The following DPP6 variants were observed in gnomAD, a reference collection of about 807,000 sequenced individuals.
DPP6 encodes the protein dipeptidyl peptidase like 6.
Under a neutral mutation model 122.6 loss-of-function variants are expected in DPP6, and 69 were observed. The ratio of observed to expected loss-of-function variants is 0.56; its 90% confidence interval spans 0.46 to 0.69. The LOEUF is 0.69. DPP6 is among the 30% of genes least tolerant of loss of function. The pLI is 0.00. For missense variants in DPP6, 928 were observed against 1,116.9 expected (o/e 0.83, Z 2.41); for synonymous variants, 418 against 433.1 (o/e 0.97, Z 0.43).
intron 1 of DPP6, among the ~76,000 whole-genome samples, chr7:154,062,812 G>A (rs1427767051): frequency 8.0e-6 from 1 of 124,260 alleles, no homozygotes; most frequent in Non-Finnish European, 1.7e-5. Flanking sequence ...CATCGCAGAG[G>A]GGGGAGGCAC....
chr7:154,635,237 G>A (rs916711166), intron 5 of DPP6, among the ~76,000 whole-genome samples: 1 of 152,138 alleles, frequency 6.6e-6, no homozygotes, highest in African/African-American at 2.4e-5. Flanking sequence ...AGCTGTCAGA[G>A]TACCTAATAT....
At chr7:154,317,060 A>AT (rs1807494915) in intron 1 of DPP6, among the ~76,000 whole-genome samples, 1 of 152,204 alleles carries the variant, frequency 6.6e-6, no homozygotes, top group Non-Finnish European at 1.5e-5. Context: ...GAGTTGGGTC[A>AT]AAGATTTGGC....
intron 1 of DPP6, among the ~76,000 whole-genome samples, chr7:154,429,187 A>AAAC (rs1313418120): frequency 6.6e-6 from 1 of 151,444 alleles, no homozygotes; most frequent in Admixed American, 6.6e-5. Flanking sequence ...TGTTAAAAAA[A>AAAC]AAAAAAGCAT....
chr7:154,758,011 C>T (rs1795251578), intron 8 of DPP6, among the ~76,000 whole-genome samples: 2 of 152,316 alleles, frequency 1.3e-5, no homozygotes, highest in Non-Finnish European at 2.9e-5. Context: ...CACGCACGGC[C>T]TCCTGGCAGC....
intron 1 of DPP6, among the ~76,000 whole-genome samples, chr7:154,078,260 A>G (rs1803712891): frequency 6.6e-6 from 1 of 152,126 alleles, no homozygotes; most frequent in South Asian, 2.1e-4. Context: ...GAGATTCTGA[A>G]AAAAGCACAG....
At chr7:154,373,597 T>C (rs930242844) in intron 1 of DPP6, among the ~76,000 whole-genome samples, 1 of 152,230 alleles carries the variant, frequency 6.6e-6, no homozygotes, top group Non-Finnish European at 1.5e-5. Flanking sequence ...TATTTCTGCA[T>C]GCGCTCATTT....
Position 154,061,268 on chromosome 7 carries a change from G to C in DPP6, c.243+8205G>C, listed in dbSNP as rs1297390077. ...TTTTGAAATGGGGATCCCAACAACAGCAAGTTTTTCATGAGTTACAAGAAA... is the reference window on the plus strand; with the variant it reads ...TTTTGAAATGGGGATCCCAACAACACCAAGTTTTTCATGAGTTACAAGAAA... On this transcript the variant is annotated intron_variant, in intron 1 of 25. Transcript: ENST00000377770. Among the ~76,000 whole-genome samples, 3 of 149,416 alleles carry C rather than the reference G, an allele frequency of 2.0e-5. No homozygotes were observed. In the East Asian group the frequency reaches 5.8e-4, roughly 29 times the overall value.
At chr7:154,889,370 T>C (rs745769995) in intron 24 of DPP6, 26 bp downstream of exon 24, 5 of 1,611,366 alleles carry the variant, frequency 3.1e-6, no homozygotes, top group East Asian at 2.2e-5. Flanking sequence ...ATGAATTCAC[T>C]GTGTATCTAG....
chr7:154,396,908 G>A (rs984329826), intron 1 of DPP6, among the ~76,000 whole-genome samples: 1 of 152,158 alleles, frequency 6.6e-6, no homozygotes, highest in Non-Finnish European at 1.5e-5. Flanking sequence ...TCGCGCCACT[G>A]CGCTCCAGCC....
intron 1 of DPP6, among the ~76,000 whole-genome samples, chr7:153,935,009 G>T (rs1801362740): frequency 6.6e-6 from 1 of 152,212 alleles, no homozygotes; most frequent in South Asian, 2.1e-4. Flanking sequence ...CTGGCTGGAG[G>T]TGCAGGGACA....
the DPP6 span, among the ~76,000 whole-genome samples, chr7:153,771,865 A>G: frequency 3.3e-5 from 5 of 152,354 alleles, no homozygotes; most frequent in South Asian, 2.1e-4. Flanking sequence ...AGAAACTTAT[A>G]TCTACACAAT....
intron 6 of DPP6, among the ~76,000 whole-genome samples, chr7:154,648,235 T>A (rs993615561): frequency 4.1e-5 from 6 of 147,982 alleles, no homozygotes; most frequent in Non-Finnish European, 7.4e-5. Flanking sequence ...GCCATTGCAC[T>A]CTAGCCTGGG....
chr7:154,347,134 C>A (rs999743554), intron 1 of DPP6, among the ~76,000 whole-genome samples: 2 of 152,186 alleles, frequency 1.3e-5, no homozygotes, highest in East Asian at 3.9e-4. Context: ...TTGTGAATGA[C>A]ATCTCCTGCT....
intron 1 of DPP6, among the ~76,000 whole-genome samples, chr7:154,096,854 A>G (rs1452123570): frequency 2.0e-5 from 3 of 152,236 alleles, no homozygotes; most frequent in African/African-American, 7.2e-5. Context: ...CATCAATTAT[A>G]TTTATAACAA....
At chr7:154,147,233 G>T (rs1489294973) in intron 1 of DPP6, among the ~76,000 whole-genome samples, 8,822 of 149,032 alleles carry the variant, frequency 0.059, no homozygotes, top group African/African-American at 0.2. Context: ...GGTCTCCATG[G>T]TTCTCACTCC....
chr7:154,372,528 T>C (rs1269932850), intron 1 of DPP6, among the ~76,000 whole-genome samples: 1 of 152,220 alleles, frequency 6.6e-6, no homozygotes, highest in Admixed American at 6.5e-5. Context: ...AGCATCACCC[T>C]TGTGCCTTGT....
intron 7 of DPP6, among the ~76,000 whole-genome samples, chr7:154,681,830 AC>A (rs1164741752): frequency 6.6e-6 from 1 of 152,232 alleles, no homozygotes; most frequent in African/African-American, 2.4e-5. Context: ...AGTCCCACTT[AC>A]TGTAGCAGTT....
chr7:154,655,775 G>A (rs1318493321), intron 6 of DPP6, among the ~76,000 whole-genome samples: 1 of 152,222 alleles, frequency 6.6e-6, no homozygotes, highest in Non-Finnish European at 1.5e-5. Flanking sequence ...CAGAAGCCCA[G>A]GGGGTGGGCA....
In DPP6 at chr7:154,521,869, C is replaced by A. The variant is rs1827008008; in HGVS notation, c.458-18663C>A. Among the ~76,000 whole-genome samples the A allele has an allele frequency of 2.6e-5, 4 of 152,164 alleles. No homozygotes were observed. In the South Asian group the frequency reaches 8.3e-4, roughly 32 times the overall value. On this transcript the variant is annotated intron_variant, in intron 3 of 25. Coordinates refer to ENST00000377770, the MANE Select transcript of DPP6 (RefSeq NM_130797.4). ...CCTTTGTTTCCAAGGTTTAGGGTTT[C>A]TAAAGCAAATGCCTCCTAATAACCT...
Sources: gnomAD v4.1 joint callset for allele counts (sites outside exome capture counted in the v4.1 genomes callset) on GRCh38, gnomAD v4.1.1 for gene constraint, MANE v1.5 for transcripts, NCBI Gene and HGNC (gene_info 2026-07-23, HGNC 2026-07-21) for gene names.